The following GRB2 variants were observed in gnomAD, a reference collection of about 807,000 sequenced individuals.
The protein encoded by GRB2 is growth factor receptor bound protein 2.
In GRB2, 2 loss-of-function variants were observed where a neutral mutation model predicts 27.4. The observed-to-expected ratio is 0.07, with a 90% CI of 0.03 to 0.23. The LOEUF (loss-of-function observed/expected upper bound fraction) is 0.23. Ranked by LOEUF, GRB2 falls within the 10% of genes least tolerant of loss-of-function variation. The pLI is 1.00. For synonymous variants in GRB2, 94 were observed against 99.6 expected, an observed-to-expected ratio of 0.94 and a Z score of 0.33; for missense variants, 102 against 282.4, an observed-to-expected ratio of 0.36 and a Z score of 4.58.
chr17:75,352,202 G>C (rs1358113666), intron 2 of GRB2, among the ~76,000 whole-genome samples: 2 of 152,176 alleles, frequency 1.3e-5, no homozygotes, highest in East Asian at 1.9e-4. Flanking sequence ...GGGAGGGCTG[G>C]GGGGCAGGGC....
At position 75,318,409 on chromosome 17, in the gene GRB2, T is replaced by C. The variant is rs1378289010; in HGVS notation, c.*1959A>G. 1 of 152,160 alleles carries C rather than the reference T, an allele frequency of 6.6e-6. No individual in the cohort carries two copies. Among genetic ancestry groups the C allele is most frequent in the African/African-American group, 2.4e-5 (1 of 41,438 alleles). The allele number at this position is 152,160 out of a possible 1,614,324, so 9.4% of individuals were successfully genotyped here. On this transcript the variant is annotated 3_prime_UTR_variant, in exon 6 of 6. Coordinates refer to ENST00000316804, the MANE Select transcript of GRB2 (RefSeq NM_002086.5). ...GCAAACGCTCCAGGCCTGGGCCCTGTTCATATCTGGAGTCGGAGGGAGACT... is the reference window on the plus strand; with the variant it reads ...GCAAACGCTCCAGGCCTGGGCCCTGCTCATATCTGGAGTCGGAGGGAGACT...
At chr17:75,392,078 T>C (rs1451102703) in intron 2 of GRB2, among the ~76,000 whole-genome samples, 1 of 152,208 alleles carries the variant, frequency 6.6e-6, no homozygotes, top group Non-Finnish European at 1.5e-5. Context: ...GTGGGTTATC[T>C]ACAGAAAACA....
chr17:75,401,796 G>A (rs2079065588), intron 1 of GRB2, among the ~76,000 whole-genome samples: 2 of 152,192 alleles, frequency 1.3e-5, no homozygotes, highest in South Asian at 2.1e-4. Context: ...TAAAATGCTT[G>A]GCAGAAGTCT....
At chr17:75,322,823 A>G (rs2078469582) in intron 4 of GRB2, among the ~76,000 whole-genome samples, 1 of 151,810 alleles carries the variant, frequency 6.6e-6, no homozygotes, top group African/African-American at 2.4e-5. Flanking sequence ...CTGGCCGGGC[A>G]CTCTCGGCAT....
At position 75,347,559 on chromosome 17, in the gene GRB2, T is replaced by C. The variant is rs556522466; in HGVS notation, c.79-14762A>G. Among the ~76,000 whole-genome samples, 5 of 152,244 alleles carry C rather than the reference T, an allele frequency of 3.3e-5. No homozygotes were observed. The East Asian group carries it at 9.7e-4, about 29-fold the overall frequency. On this transcript the variant is annotated intron_variant, in intron 2 of 5. Transcript: ENST00000316804. ...CCAGACTTCAGGGGTGGGGAACCACTACCTCCTCCGCTCCTGAAAGCTGTT... is the reference window on the plus strand; with the variant it reads ...CCAGACTTCAGGGGTGGGGAACCACCACCTCCTCCGCTCCTGAAAGCTGTT...
At position 75,340,093 on chromosome 17, in the gene GRB2, T is replaced by A. The variant is rs35772896; in HGVS notation, c.79-7296A>T. 2.1e-3 allele frequency among the ~76,000 whole-genome samples: 322 copies of A among 152,308 alleles called. 2 individuals are homozygous for A. The highest frequency in any genetic ancestry group is 2.2e-3 in the Non-Finnish European group (150 of 68,024). Reference sequence around the variant, plus strand: ...AAAAAATAGAAATCATAATTTTTTTTAAAAGAAATAGGCTGTACAGTTATG... The same window carrying A: ...AAAAAATAGAAATCATAATTTTTTTAAAAAGAAATAGGCTGTACAGTTATG... On this transcript the variant is annotated intron_variant, in intron 2 of 5. Coordinates refer to ENST00000316804, the MANE Select transcript of GRB2 (RefSeq NM_002086.5).
intron 2 of GRB2, 29 bp downstream of exon 2, chr17:75,393,522 T>G: frequency 2.5e-6 from 4 of 1,577,972 alleles, no homozygotes; most frequent in Non-Finnish European, 3.5e-6. Context: ...GAGAGCGATC[T>G]CAGCATTGTG....
intron 2 of GRB2, among the ~76,000 whole-genome samples, chr17:75,349,457 G>A (rs1410931451): frequency 6.7e-6 from 1 of 149,096 alleles, no homozygotes; most frequent in Non-Finnish European, 1.5e-5. Flanking sequence ...GGCTTGCCCA[G>A]AATAACTAGA....
At chr17:75,384,687 A>G (rs1453555208) in intron 2 of GRB2, among the ~76,000 whole-genome samples, 2 of 152,140 alleles carry the variant, frequency 1.3e-5, no homozygotes, top group African/African-American at 4.8e-5. Context: ...AACATAACAT[A>G]AAATAAAATA....
chr17:75,358,990 A>G (rs1335018652), intron 2 of GRB2, among the ~76,000 whole-genome samples: 13 of 147,242 alleles, frequency 8.8e-5, no homozygotes, highest in Admixed American at 4.1e-4. Context: ...AGGTGGGTGT[A>G]TTACCTGAGG....
intron 2 of GRB2, among the ~76,000 whole-genome samples, chr17:75,363,859 C>CAAAAAAAAAAAAAAAA (rs55746272): frequency 1.2e-4 from 7 of 58,536 alleles, no homozygotes; most frequent in African/African-American, 3.4e-4. Flanking sequence ...GACTCCGTCT[C>CAAAAAAAAAAAAAAAA]AAAAAAAAAA....
At chr17:75,326,676 A>C (rs1472941842) in intron 3 of GRB2, among the ~76,000 whole-genome samples, 3 of 152,244 alleles carry the variant, frequency 2.0e-5, no homozygotes, top group Non-Finnish European at 2.9e-5. Context: ...AGCTAGCTGC[A>C]AAATTCAGAT....
chr17:75,395,865 T>C (rs1283549418), intron 1 of GRB2, among the ~76,000 whole-genome samples: 5 of 151,316 alleles, frequency 3.3e-5, no homozygotes, highest in African/African-American at 9.7e-5. Context: ...TTTTTTGAGA[T>C]AGAGTTCTCT....
intron 2 of GRB2, among the ~76,000 whole-genome samples, chr17:75,367,705 T>C (rs1258748904): frequency 2.6e-5 from 4 of 152,216 alleles, no homozygotes; most frequent in African/African-American, 7.2e-5. Context: ...CCTATGGTTT[T>C]AGCATTCAGT....
intron 2 of GRB2, among the ~76,000 whole-genome samples, chr17:75,334,155 A>AC (rs1555609270): frequency 2.0e-5 from 3 of 150,834 alleles, no homozygotes; most frequent in Non-Finnish European, 4.4e-5. Context: ...TATACGTTTT[A>AC]TTTTTTTTTA....
intron 5 of GRB2, among the ~76,000 whole-genome samples, chr17:75,321,169 C>CTTTTTTTTTTT (rs61287852): frequency 8.3e-6 from 1 of 120,064 alleles, no homozygotes; most frequent in African/African-American, 3.8e-5. Flanking sequence ...AACAACAAAT[C>CTTTTTTTTTTT]TTTTTTTTTT....
Position 75,320,144 on chromosome 17 carries a change from T to C in GRB2, c.*224A>G, listed in dbSNP as rs139933285. ...GGGAAAGAGGAGCAGCAGTGAAAAT[T>C]TGTAATAAAAACTCTTCTTAATTTA... On this transcript the variant is annotated 3_prime_UTR_variant, in exon 6 of 6. Coordinates refer to ENST00000316804, the MANE Select transcript of GRB2 (RefSeq NM_002086.5). The surrounding 1 kb of genome is among the most constrained non-coding windows in gnomAD (Gnocchi z 4.3). 4.2e-3 allele frequency: 1,952 copies of C among 468,962 alleles called. 28 individuals carry two copies. The highest frequency in any genetic ancestry group is 0.034 in the African/African-American group (1,745 of 51,652). The allele number at this position is 468,962 out of a possible 1,614,324, so 29.1% of individuals were successfully genotyped here. A position where few individuals can be genotyped will look rare whatever the true frequency, so the allele number is the denominator to read the frequency against.
chr17:75,370,862 C>CA (rs2078850837), intron 2 of GRB2: 1 of 152,180 alleles, frequency 6.6e-6, no homozygotes, highest in Non-Finnish European at 1.5e-5. Context: ...GTGGGAAAGC[C>CA]AATGTGTTCG....
chr17:75,373,635 T>C lies in GRB2; in HGVS notation c.78+19916A>G, dbSNP rs1421346261. 2.0e-5 allele frequency: 3 copies of C among 152,138 alleles called. No individual in the cohort carries two copies. In the East Asian group the frequency reaches 5.8e-4, roughly 29 times the overall value. 9.4% of individuals were successfully genotyped at this position (152,138 alleles called of 1,614,324 possible). On this transcript the variant is annotated intron_variant, in intron 2 of 5. Transcript: ENST00000316804. Reference sequence around the variant, plus strand: ...CTCATGTCTTACTAAGTCTGTTTCATTCAGAACATTCCATACACATCTTTA... The same window carrying C: ...CTCATGTCTTACTAAGTCTGTTTCACTCAGAACATTCCATACACATCTTTA...
Sources: gnomAD v4.1 joint callset for allele counts (sites outside exome capture counted in the v4.1 genomes callset) on GRCh38, gnomAD v4.1.1 for gene constraint, Gnocchi (gnomAD v3.1) non-coding constraint, MANE v1.5 for transcripts, NCBI Gene and HGNC (gene_info 2026-07-23, HGNC 2026-07-21) for gene names.